CNTNAP2: variants seen among roughly 807,000 people sequenced by gnomAD.
The protein encoded by CNTNAP2 is contactin associated protein 2.
CNTNAP2 carries 98 observed loss-of-function variants against 155.2 expected under a neutral mutation model. That is an observed-to-expected ratio of 0.63 (90% CI 0.54 to 0.75). The LOEUF (loss-of-function observed/expected upper bound fraction) is 0.75, where lower values mean the gene tolerates loss of function less well. Ranked by LOEUF, CNTNAP2 falls within the 30% of genes least tolerant of loss-of-function variation. The pLI is 0.00. For missense variants in CNTNAP2, 1,727 were observed against 1,688.1 expected, an observed-to-expected ratio of 1.02 and a Z score of -0.40; for synonymous variants, 651 against 631.2, an observed-to-expected ratio of 1.03 and a Z score of -0.47.
At chr7:147,976,654 A>G (rs1962426) in intron 14 of CNTNAP2, among the ~76,000 whole-genome samples, 37,276 of 152,174 alleles carry the variant, frequency 0.24, 5,902 homozygotes, top group East Asian at 0.56. Flanking sequence ...GTCCTGACAC[A>G]TGAGGAAACA....
At chr7:147,430,060 T>G (rs1472499499) in intron 10 of CNTNAP2, among the ~76,000 whole-genome samples, 3 of 152,178 alleles carry the variant, frequency 2.0e-5, no homozygotes, top group Non-Finnish European at 4.4e-5. Flanking sequence ...TTTGGTTTCA[T>G]ATTAATTTTA....
At chr7:147,973,094 C>T (rs1303229872) in intron 14 of CNTNAP2, among the ~76,000 whole-genome samples, 1 of 144,854 alleles carries the variant, frequency 6.9e-6, no homozygotes, top group East Asian at 2.2e-4. Flanking sequence ...GTTGAGCCTA[C>T]AGTGAGCTAT....
chr7:146,920,770 T>C (rs1245702493), intron 3 of CNTNAP2, among the ~76,000 whole-genome samples: 1 of 152,224 alleles, frequency 6.6e-6, no homozygotes. Flanking sequence ...TGGAAATGCC[T>C]TTGCAGACTA....
chr7:146,531,624 C>T (rs1442680634), intron 1 of CNTNAP2, among the ~76,000 whole-genome samples: 1 of 152,182 alleles, frequency 6.6e-6, no homozygotes, highest in African/African-American at 2.4e-5. Flanking sequence ...AGGCTGACTG[C>T]AACCTCCGCC....
At chr7:148,173,470 A>T (rs1794868339) in intron 18 of CNTNAP2, among the ~76,000 whole-genome samples, 1 of 152,200 alleles carries the variant, frequency 6.6e-6, no homozygotes, top group African/African-American at 2.4e-5. Context: ...GGCATTATTC[A>T]CACAAGATGC....
At chr7:146,669,295 C>G (rs758023915) in intron 1 of CNTNAP2, among the ~76,000 whole-genome samples, 9 of 152,070 alleles carry the variant, frequency 5.9e-5, no homozygotes, top group Non-Finnish European at 1.0e-4. Flanking sequence ...GTTCTATTTA[C>G]TTTGACATGG....
At chr7:148,100,408 C>T (rs1275270769) in intron 15 of CNTNAP2, among the ~76,000 whole-genome samples, 2 of 152,208 alleles carry the variant, frequency 1.3e-5, no homozygotes, top group African/African-American at 2.4e-5. Context: ...AATACACACA[C>T]ATACAGATGC....
chr7:148,291,600 A>G (rs984790733), intron 21 of CNTNAP2, among the ~76,000 whole-genome samples: 1 of 152,050 alleles, frequency 6.6e-6, no homozygotes, highest in Non-Finnish European at 1.5e-5. Context: ...TTCCCAGCCC[A>G]CTGACTCAAA....
chr7:147,471,028 A>G (rs1421424953), intron 10 of CNTNAP2, among the ~76,000 whole-genome samples: 1 of 152,182 alleles, frequency 6.6e-6, no homozygotes, highest in African/African-American at 2.4e-5. Context: ...TTGCAAGCCA[A>G]CTGAAGAGTG....
At chr7:146,337,638 T>TTGTC (rs1455620992) in intron 1 of CNTNAP2, among the ~76,000 whole-genome samples, 1 of 151,950 alleles carries the variant, frequency 6.6e-6, no homozygotes, top group African/African-American at 2.4e-5. Flanking sequence ...GTTTGTTTGT[T>TTGTC]TTAATTTTTC....
chr7:147,496,019 A>G (rs910327874), intron 11 of CNTNAP2, among the ~76,000 whole-genome samples: 1 of 152,158 alleles, frequency 6.6e-6, no homozygotes, highest in Non-Finnish European at 1.5e-5. Flanking sequence ...CATGTTCCTT[A>G]TGAGAATCTA....
chr7:147,331,785 C>T (rs1430951658), intron 9 of CNTNAP2, among the ~76,000 whole-genome samples: 1 of 152,176 alleles, frequency 6.6e-6, no homozygotes, highest in Admixed American at 6.5e-5. Flanking sequence ...CTGGCCAGAC[C>T]TTGTTCACTT....
chr7:147,832,776 C>T (rs1454737064), intron 13 of CNTNAP2, among the ~76,000 whole-genome samples: 2 of 145,052 alleles, frequency 1.4e-5, no homozygotes, highest in African/African-American at 2.5e-5. Context: ...TTAAATTGTA[C>T]ATTTAATTAT....
chr7:147,313,839 T>C (rs1439331672), intron 9 of CNTNAP2, among the ~76,000 whole-genome samples: 1 of 151,662 alleles, frequency 6.6e-6, no homozygotes, highest in East Asian at 1.9e-4. Context: ...ATTGAATCTA[T>C]AAATTACCTT....
chr7:147,301,066 A>G (rs1794937257), intron 9 of CNTNAP2, among the ~76,000 whole-genome samples: 1 of 152,166 alleles, frequency 6.6e-6, no homozygotes, highest in Non-Finnish European at 1.5e-5. Flanking sequence ...TCCCGTCCAC[A>G]GTTAAAGGAA....
intron 1 of CNTNAP2, among the ~76,000 whole-genome samples, chr7:146,578,778 T>A (rs1453819965): frequency 6.6e-6 from 1 of 152,158 alleles, no homozygotes; most frequent in Non-Finnish European, 1.5e-5. Context: ...TTATACTCCT[T>A]ACCACATGTT....
At chr7:148,280,268 C>CT (rs1230165689) in intron 21 of CNTNAP2, among the ~76,000 whole-genome samples, 2 of 152,098 alleles carry the variant, frequency 1.3e-5, no homozygotes, top group Non-Finnish European at 2.9e-5. Context: ...CAAGATCATG[C>CT]TACTGTACTG....
intron 11 of CNTNAP2, among the ~76,000 whole-genome samples, chr7:147,538,684 T>C (rs1055590632): frequency 6.6e-6 from 1 of 152,098 alleles, no homozygotes; most frequent in Non-Finnish European, 1.5e-5. Flanking sequence ...GAAATTTTCA[T>C]AGAGCCACCT....
intron 3 of CNTNAP2, among the ~76,000 whole-genome samples, chr7:146,915,380 T>G (rs972958903): frequency 4.6e-5 from 7 of 152,180 alleles, no homozygotes; most frequent in Non-Finnish European, 8.8e-5. Context: ...GAAATTGCAT[T>G]GAATTTGTAA....
Sources: gnomAD v4.1 joint callset for allele counts (sites outside exome capture counted in the v4.1 genomes callset) on GRCh38, gnomAD v4.1.1 for gene constraint, MANE v1.5 for transcripts, NCBI Gene and HGNC (gene_info 2026-07-23, HGNC 2026-07-21) for gene names.